CCDC60: variants seen among roughly 807,000 people sequenced by gnomAD.
CCDC60 encodes the protein coiled-coil domain-containing protein 60.
CCDC60 carries 54 observed loss-of-function variants against 63.5 expected under a neutral mutation model. That is an observed-to-expected ratio of 0.85 (90% CI 0.68 to 1.07). CCDC60 has a LOEUF of 1.07. CCDC60 is among the 50% of genes least tolerant of loss of function. The pLI is 0.00. For missense variants in CCDC60, 651 were observed against 684.3 expected, an observed-to-expected ratio of 0.95 and a Z score of 0.54; for synonymous variants, 206 against 238.8, an observed-to-expected ratio of 0.86 and a Z score of 1.27.
chr12:119,373,876 T>C (rs1182272095), intron 1 of CCDC60, among the ~76,000 whole-genome samples: 2 of 152,264 alleles, frequency 1.3e-5, no homozygotes, highest in Non-Finnish European at 2.9e-5. Context: ...AGACAGGCTT[T>C]AAGTACATGG....
chr12:119,339,549 G>T (rs879850317), intron 1 of CCDC60, among the ~76,000 whole-genome samples: 1 of 152,150 alleles, frequency 6.6e-6, no homozygotes, highest in Non-Finnish European at 1.5e-5. Flanking sequence ...CTTTGGGGGG[G>T]GCCGAGGCAG....
chr12:119,446,262 C>G (rs1950540355), intron 2 of CCDC60, among the ~76,000 whole-genome samples: 1 of 152,164 alleles, frequency 6.6e-6, no homozygotes, highest in Non-Finnish European at 1.5e-5. Context: ...TCTGAGACAG[C>G]TCAAAATGCA....
intron 5 of CCDC60, among the ~76,000 whole-genome samples, chr12:119,492,290 C>T (rs576797574): frequency 9.2e-5 from 14 of 152,192 alleles, no homozygotes; most frequent in Admixed American, 4.6e-4. Flanking sequence ...CCAATTTCCA[C>T]GGTGTAAATA....
chr12:119,523,718 C>A lies in CCDC60; in HGVS notation c.1129C>A (p.His377Asn). ...CCGCACTAATTGTGACATCAACATCCACTACAAGAGTGGGGTGTGTAACAC... is the reference window on the plus strand; with the variant it reads ...CCGCACTAATTGTGACATCAACATCAACTACAAGAGTGGGGTGTGTAACAC... The part of the protein sequence containing the change: ...KNRTNCDINI[H>N]YKSGVCNTMR... The change falls in exon 11 of 14, where the codon CAC (histidine) becomes AAC (asparagine). Residue 377 changes from histidine (H) to asparagine (N), a missense_variant. Transcript: ENST00000327554. The A allele has an allele frequency of 6.2e-7, 1 of 1,614,138 alleles. No individual in the cohort carries two copies.
At chr12:119,530,207 T>C (rs1311206666) in intron 12 of CCDC60, among the ~76,000 whole-genome samples, 1 of 151,330 alleles carries the variant, frequency 6.6e-6, no homozygotes, top group Non-Finnish European at 1.5e-5. Flanking sequence ...ATATAATGGA[T>C]GATCAGTTAC....
chr12:119,499,620 A>C (rs1951799802), intron 5 of CCDC60, among the ~76,000 whole-genome samples: 1 of 152,170 alleles, frequency 6.6e-6, no homozygotes, highest in African/African-American at 2.4e-5. Flanking sequence ...TTCATTGTGC[A>C]ATCCACCCCC....
chr12:119,376,800 G>A (rs1295698188), intron 1 of CCDC60, among the ~76,000 whole-genome samples: 1 of 152,096 alleles, frequency 6.6e-6, no homozygotes, highest in Admixed American at 6.5e-5. Context: ...ATAGGCAATG[G>A]TATAAGTAGT....
At chr12:119,391,445 C>G (rs1264469461) in intron 1 of CCDC60, among the ~76,000 whole-genome samples, 3 of 152,230 alleles carry the variant, frequency 2.0e-5, no homozygotes, top group African/African-American at 7.2e-5. Flanking sequence ...GAGCTCTAGC[C>G]TCAGACTGAT....
intron 2 of CCDC60, among the ~76,000 whole-genome samples, chr12:119,461,866 C>T (rs1019356208): frequency 2.0e-5 from 3 of 152,118 alleles, no homozygotes; most frequent in Non-Finnish European, 2.9e-5. Context: ...AGGGAACACA[C>T]GGAATTAAAT....
intron 2 of CCDC60, among the ~76,000 whole-genome samples, chr12:119,463,204 C>A (rs1424439464): frequency 2.0e-5 from 3 of 152,186 alleles, no homozygotes; most frequent in Non-Finnish European, 4.4e-5. Context: ...GCCTTCCAAT[C>A]CATGAGAGAA....
intron 7 of CCDC60, among the ~76,000 whole-genome samples, chr12:119,508,878 A>C (rs1057351656): frequency 1.3e-5 from 2 of 152,040 alleles, no homozygotes; most frequent in African/African-American, 4.8e-5. Flanking sequence ...AAATAAGAAG[A>C]GTAGAGCGAT....
chr12:119,519,654 G>C (rs1028777589), intron 8 of CCDC60, among the ~76,000 whole-genome samples: 1 of 151,714 alleles, frequency 6.6e-6, no homozygotes, highest in Admixed American at 6.6e-5. Flanking sequence ...GTAGAGACAG[G>C]GTTTTGCAAT....
chr12:119,531,026 G>A lies in CCDC60; in HGVS notation c.1514G>A (p.Trp505Ter), dbSNP rs763545865. ...AAGGTGCTGCAGGATCTGAGGATTT[G>A]GGAACTGTGCTCCCCTGACATCGCT... ...LLKVLQDLRIWELCSPDIAVA... is the reference protein window; with the variant it reads ...LLKVLQDLRI The change falls in exon 13 of 14, where the codon TGG becomes TAG. Residue 505 changes from tryptophan (W) to a stop codon, truncating the protein, a stop_gained. Coordinates refer to ENST00000327554, the MANE Select transcript of CCDC60 (RefSeq NM_178499.5). LOFTEE classifies it high-confidence loss of function. 2.5e-6 allele frequency: 4 copies of A among 1,614,112 alleles called. No individual in the cohort carries two copies. Among genetic ancestry groups the A allele is most frequent in the Middle Eastern group, 3.3e-4 (2 of 6,060 alleles).
intron 5 of CCDC60, 46 bp downstream of exon 5, chr12:119,488,912 G>T (rs888370732): frequency 2.7e-6 from 4 of 1,478,014 alleles, no homozygotes; most frequent in Admixed American, 1.7e-5. Flanking sequence ...AGTAGGCTGG[G>T]CAGTGGGGAA....
chr12:119,510,083 C>T (rs1317277566), intron 7 of CCDC60, among the ~76,000 whole-genome samples: 2 of 152,190 alleles, frequency 1.3e-5, no homozygotes, highest in African/African-American at 2.4e-5. Flanking sequence ...ACAACAGCCT[C>T]CTAACTAGTT....
At chr12:119,539,695 G>T (rs1953102310) in intron 13 of CCDC60, among the ~76,000 whole-genome samples, 1 of 152,178 alleles carries the variant, frequency 6.6e-6, no homozygotes, top group Non-Finnish European at 1.5e-5. Flanking sequence ...AGTGGCAGTT[G>T]TCTCTCACTG....
intron 1 of CCDC60, among the ~76,000 whole-genome samples, chr12:119,337,658 A>C (rs1955485376): frequency 6.6e-6 from 1 of 152,218 alleles, no homozygotes; most frequent in South Asian, 2.1e-4. Flanking sequence ...ACTCGCCTTC[A>C]AGAATCTTAC....
intron 1 of CCDC60, among the ~76,000 whole-genome samples, chr12:119,363,083 G>A (rs1315397696): frequency 6.6e-6 from 1 of 152,194 alleles, no homozygotes; most frequent in Non-Finnish European, 1.5e-5. Context: ...GGGCGAGACA[G>A]CCAGTCTCCC....
intron 1 of CCDC60, among the ~76,000 whole-genome samples, chr12:119,377,815 G>A (rs1392194496): frequency 1.3e-5 from 2 of 152,192 alleles, no homozygotes; most frequent in Non-Finnish European, 2.9e-5. Flanking sequence ...GGAGCATAAG[G>A]AAGTGCTTGC....
Sources: allele counts gnomAD v4.1 joint callset (sites outside exome capture counted in the v4.1 genomes callset), GRCh38; gene constraint gnomAD v4.1.1; transcripts MANE v1.5; gene names NCBI Gene and HGNC (gene_info 2026-07-23, HGNC 2026-07-21).